The following SEMA3A variants were observed in gnomAD, a reference collection of about 807,000 sequenced individuals.
SEMA3A encodes the protein semaphorin-3A.
SEMA3A carries 29 observed loss-of-function variants against 97.9 expected under a neutral mutation model. The observed-to-expected ratio is 0.30, with a 90% confidence interval of 0.22 to 0.40. The LOEUF (loss-of-function observed/expected upper bound fraction) is 0.40. Among genes scored for constraint, SEMA3A ranks in the 10% least tolerant of loss-of-function variants. The pLI, the probability that SEMA3A is intolerant of heterozygous loss-of-function variation, is 1.00. For missense variants in SEMA3A, 763 were observed against 951.3 expected (o/e 0.80, Z 2.60); for synonymous variants, 321 against 323.7 (o/e 0.99, Z 0.09).
chr7:84,144,486 T>A (rs995008252), intron 1 of SEMA3A, among the ~76,000 whole-genome samples: 3 of 152,140 alleles, frequency 2.0e-5, no homozygotes, highest in African/African-American at 7.2e-5. Flanking sequence ...AAAAATAGAT[T>A]GAATCTACAG....
At chr7:84,162,309 C>T (rs1421155277) in intron 1 of SEMA3A, among the ~76,000 whole-genome samples, 2 of 151,724 alleles carry the variant, frequency 1.3e-5, no homozygotes, top group Non-Finnish European at 2.9e-5. Flanking sequence ...TGTGTGTACA[C>T]AATAGTAGGA....
intron 1 of SEMA3A, among the ~76,000 whole-genome samples, chr7:84,135,937 C>T (rs1276055720): frequency 6.6e-6 from 1 of 152,070 alleles, no homozygotes; most frequent in African/African-American, 2.4e-5. Context: ...AACAATATAC[C>T]TATACTTTAG....
chr7:84,438,656 G>C (rs1584325632), intron 1 of SEMA3A, among the ~76,000 whole-genome samples: 1 of 152,088 alleles, frequency 6.6e-6, no homozygotes, highest in East Asian at 1.9e-4. Context: ...TTTTCCCCAT[G>C]ATCTGAGTAA....
intron 2 of SEMA3A, among the ~76,000 whole-genome samples, chr7:84,316,472 T>C (rs2115890047): frequency 6.6e-6 from 1 of 152,134 alleles, no homozygotes; most frequent in Non-Finnish European, 1.5e-5. Flanking sequence ...CTTACAAATA[T>C]ACAAAAAACT....
chr7:84,247,087 T>C (rs1169190016), intron 3 of SEMA3A, among the ~76,000 whole-genome samples: 2 of 152,058 alleles, frequency 1.3e-5, no homozygotes, highest in Non-Finnish European at 2.9e-5. Context: ...TATCAGTATA[T>C]AGAAATTTGT....
chr7:84,303,305 G>A lies in SEMA3A; in HGVS notation c.-83+3902C>T, dbSNP rs539299902. On this transcript the variant is annotated intron_variant, in intron 3 of 3. Transcript: ENST00000424555. ...TAAGGTTGCTTGTTACTAAAACTGA[G>A]TGTGAACTCAATTGCAGCATAATTT... Among the ~76,000 whole-genome samples, 5 of 152,186 alleles carry A rather than the reference G, an allele frequency of 3.3e-5. 1 individual carries two copies. Among genetic ancestry groups the A allele is most frequent in the African/African-American group, 1.2e-4 (5 of 41,508 alleles).
At chr7:84,378,083 A>C (rs17158973) in intron 1 of SEMA3A, among the ~76,000 whole-genome samples, 2,076 of 152,122 alleles carry the variant, frequency 0.014, 46 homozygotes, top group African/African-American at 0.047. Context: ...CAGTAATGGT[A>C]ATTTCAATCT....
At chr7:84,044,039 T>C (rs1792247050) in intron 6 of SEMA3A, among the ~76,000 whole-genome samples, 1 of 152,098 alleles carries the variant, frequency 6.6e-6, no homozygotes, top group Non-Finnish European at 1.5e-5. Context: ...ATTTTGTTTC[T>C]CATGGACAGA....
chr7:84,110,693 CTT>C (rs555689325), intron 3 of SEMA3A, 104 bp from the exon 4 acceptor site: 1,997 of 1,045,318 alleles, frequency 1.9e-3, no homozygotes, highest in South Asian at 5.9e-3. Context: ...TGTTTTCTTT[CTT>C]TTTTTTTTTT....
chr7:84,067,173 A>G (rs1793543501), intron 4 of SEMA3A, among the ~76,000 whole-genome samples: 1 of 152,234 alleles, frequency 6.6e-6, no homozygotes, highest in South Asian at 2.1e-4. Context: ...CAATCGGGAA[A>G]GGATTCCTTA....
In SEMA3A at chr7:83,960,973, A is replaced by C; in HGVS notation, c.*398T>G. The stretch of plus-strand genomic sequence containing the variant: ...TTTTGGAATATTCATCAGCTTAGTA[A>C]ATCCATGCAGTTCATTTTAAACTTT... On this transcript the variant is annotated 3_prime_UTR_variant, in exon 17 of 17. Transcript: ENST00000265362. The C allele has an allele frequency of 9.6e-6, 2 of 207,536 alleles. No homozygotes were observed. Among genetic ancestry groups the C allele is most frequent in the South Asian group, 1.5e-4 (2 of 13,356 alleles). The allele number at this position is 207,536 out of a possible 1,614,324, so 12.9% of individuals were successfully genotyped here.
At chr7:84,041,491 T>C (rs1031271525) in intron 6 of SEMA3A, among the ~76,000 whole-genome samples, 5 of 152,144 alleles carry the variant, frequency 3.3e-5, no homozygotes, top group African/African-American at 7.2e-5. Context: ...TGTTTAGGTA[T>C]AGACATAACT....
At chr7:84,481,101 A>G (rs374382774) in intron 1 of SEMA3A, among the ~76,000 whole-genome samples, 77 of 152,262 alleles carry the variant, frequency 5.1e-4, no homozygotes, top group South Asian at 2.5e-3. Flanking sequence ...AGCTCATGAC[A>G]CTTGAAATTT....
At chr7:84,361,084 A>G (rs1274227727) in intron 2 of SEMA3A, among the ~76,000 whole-genome samples, 6 of 152,034 alleles carry the variant, frequency 3.9e-5, no homozygotes, top group African/African-American at 9.7e-5. Context: ...TACAGCTTCA[A>G]ATGCTTACTA....
At chr7:84,188,613 C>G (rs1238944694) in intron 1 of SEMA3A, among the ~76,000 whole-genome samples, 1 of 151,904 alleles carries the variant, frequency 6.6e-6, no homozygotes, top group Non-Finnish European at 1.5e-5. Flanking sequence ...CTACTTCATT[C>G]TTGGTAAGCA....
intron 1 of SEMA3A, among the ~76,000 whole-genome samples, chr7:84,373,760 TTAA>T (rs1431055153): frequency 6.6e-6 from 1 of 152,150 alleles, no homozygotes; most frequent in Non-Finnish European, 1.5e-5. Context: ...GCAGAGGAAG[TTAA>T]TAATAATAAC....
At chr7:83,978,893 G>C (rs1257859013) in intron 14 of SEMA3A, among the ~76,000 whole-genome samples, 1 of 152,100 alleles carries the variant, frequency 6.6e-6, no homozygotes, top group Non-Finnish European at 1.5e-5. Flanking sequence ...AATCTGTAAG[G>C]CATAACAAAA....
chr7:84,291,453 T>A (rs187322818), intron 3 of SEMA3A, among the ~76,000 whole-genome samples: 32 of 152,184 alleles, frequency 2.1e-4, no homozygotes, highest in African/African-American at 7.2e-4. Context: ...TTAAATTTAT[T>A]TTACTGAATT....
At chr7:84,170,011 A>C (rs1258544244) in intron 1 of SEMA3A, among the ~76,000 whole-genome samples, 1 of 151,938 alleles carries the variant, frequency 6.6e-6, no homozygotes, top group Non-Finnish European at 1.5e-5. Context: ...GAAAAGTAAA[A>C]ATTTTAATAA....
Sources: allele counts gnomAD v4.1 joint callset (sites outside exome capture counted in the v4.1 genomes callset), GRCh38; gene constraint gnomAD v4.1.1; transcripts MANE v1.5; gene names NCBI Gene and HGNC (gene_info 2026-07-23, HGNC 2026-07-21).